RFC2: variants seen among roughly 807,000 people sequenced by gnomAD.
RFC2 encodes replication factor C subunit 2.
In RFC2, 34 loss-of-function variants were observed where a neutral mutation model predicts 44.8. The ratio of observed to expected loss-of-function variants is 0.76; its 90% CI spans 0.58 to 1.01. RFC2 has a LOEUF of 1.01. RFC2 is among the 50% of genes least tolerant of loss of function. RFC2 has a pLI of 0.00. For missense variants in RFC2, 400 were observed against 453.6 expected (o/e 0.88, Z 1.07); for synonymous variants, 177 against 168.9 (o/e 1.05, Z -0.37).
In RFC2 at chr7:74,237,398, C is replaced by T; in HGVS notation, c.804G>A (p.Gln268=). Reference sequence around the variant, plus strand: ...CGTCAATGTTGGCATTCACACAGTGCTGGATCATCTCCTTTACCAGCAGTG... The same window carrying T: ...CGTCAATGTTGGCATTCACACAGTGTTGGATCATCTCCTTTACCAGCAGTG... ...PHPLLVKEMI[Q]HCVNANIDEA... The change falls in exon 9 of 11, where the codon CAG becomes CAA. Residue 268 remains glutamine, a synonymous_variant. Coordinates refer to ENST00000055077, the MANE Select transcript of RFC2 (RefSeq NM_181471.3). 1.2e-6 allele frequency: 2 copies of T among 1,605,606 alleles called. No individual in the cohort carries two copies. The highest frequency in any genetic ancestry group is 1.7e-6 in the Non-Finnish European group (2 of 1,176,412).
intron 6 of RFC2, among the ~76,000 whole-genome samples, 166 bp from the exon 7 acceptor site, chr7:74,240,261 G>A (rs1803254947): frequency 6.6e-6 from 1 of 152,140 alleles, no homozygotes; most frequent in Non-Finnish European, 1.5e-5. Flanking sequence ...CAGCACTTTG[G>A]GAGGCTGAGG....
chr7:74,233,410 A>G (rs1802835823), intron 10 of RFC2, among the ~76,000 whole-genome samples: 1 of 152,162 alleles, frequency 6.6e-6, no homozygotes, highest in Non-Finnish European at 1.5e-5. Context: ...CAGTACAATT[A>G]AAATAAAAAA....
intron 2 of RFC2, among the ~76,000 whole-genome samples, chr7:74,250,962 T>C (rs1174051577): frequency 6.6e-6 from 1 of 152,150 alleles, no homozygotes; most frequent in Non-Finnish European, 1.5e-5. Context: ...CTAATTTTTA[T>C]TTTTAGTAGA....
intron 10 of RFC2, chr7:74,233,818 G>A (rs1328781001): frequency 2.2e-5 from 10 of 456,382 alleles, no homozygotes; most frequent in Non-Finnish European, 4.4e-5. Context: ...TCCATGTGGT[G>A]GCTAGGTTGA....
intron 2 of RFC2, among the ~76,000 whole-genome samples, chr7:74,252,047 C>T (rs538981122): frequency 1.5e-5 from 2 of 131,090 alleles, no homozygotes; most frequent in South Asian, 2.5e-4. Flanking sequence ...TGCAGAGAGG[C>T]CAGATTACGC....
At chr7:74,251,537 C>G (rs1006261633) in intron 2 of RFC2, among the ~76,000 whole-genome samples, 1 of 152,160 alleles carries the variant, frequency 6.6e-6, no homozygotes, top group African/African-American at 2.4e-5. Flanking sequence ...TGGTGGCTCA[C>G]GCCTGTAATC....
intron 6 of RFC2, among the ~76,000 whole-genome samples, chr7:74,242,391 G>T (rs1464022895): frequency 1.3e-5 from 2 of 152,040 alleles, no homozygotes; most frequent in Admixed American, 6.6e-5. Context: ...TTTTTCCTTA[G>T]ATCCTAAACA....
chr7:74,236,470 C>T (rs1803019079), intron 9 of RFC2, among the ~76,000 whole-genome samples: 1 of 152,166 alleles, frequency 6.6e-6, no homozygotes, highest in Admixed American at 6.5e-5. Context: ...TGACCTTGAA[C>T]CACACCAACC....
intron 2 of RFC2, among the ~76,000 whole-genome samples, chr7:74,251,031 C>T (rs2116344485): frequency 6.6e-6 from 1 of 152,338 alleles, no homozygotes; most frequent in African/African-American, 2.4e-5. Context: ...AGGTGATCCA[C>T]TCGCCTTGGC....
intron 10 of RFC2, among the ~76,000 whole-genome samples, chr7:74,234,311 G>A (rs1218847062): frequency 6.6e-6 from 1 of 152,128 alleles, no homozygotes; most frequent in African/African-American, 2.4e-5. Context: ...AGTCGGGGAG[G>A]GGGCTGGCTT....
At chr7:74,235,766 A>C (rs1307060236) in intron 9 of RFC2, 121 bp from the exon 10 acceptor site, 1 of 692,660 alleles carries the variant, frequency 1.4e-6, no homozygotes, top group Non-Finnish European at 2.6e-6. Flanking sequence ...ACCTTAACTG[A>C]TTTTCATGGC....
At position 74,249,765 on chromosome 7, in the gene RFC2, C is replaced by T. The variant is rs1554720746; in HGVS notation, c.199G>A (p.Gly67Arg). ...VSRLEVFARE[G>R]NVPNIIIAGP... ...GCAATGATGATGTTGGGCACATTTC[C>T]TTCCCTTGCAAAGACCTACGGCGAA... Residue 67 changes from glycine to arginine, a missense_variant, in exon 3 of 11, where the codon GGA becomes AGA. Gly to Arg is a moderately radical substitution (Grantham distance 125). Transcript: ENST00000055077. The T allele has an allele frequency of 6.2e-7, 1 of 1,613,840 alleles. No individual in the cohort carries two copies. The highest frequency in any genetic ancestry group is 1.1e-5 in the South Asian group (1 of 91,080).
intron 5 of RFC2, among the ~76,000 whole-genome samples, chr7:74,245,759 C>T (rs1803567949): frequency 7.0e-6 from 1 of 143,030 alleles, no homozygotes; most frequent in South Asian, 2.3e-4. Flanking sequence ...GTCCATTTAA[C>T]CACAATAAAA....
At chr7:74,234,880 A>C (rs1001141045) in intron 10 of RFC2, among the ~76,000 whole-genome samples, 2 of 152,112 alleles carry the variant, frequency 1.3e-5, no homozygotes, top group Admixed American at 6.6e-5. Flanking sequence ...CTGTGAGCCA[A>C]ATCAACCTCT....
intron 6 of RFC2, among the ~76,000 whole-genome samples, chr7:74,242,914 C>G (rs1168253588): frequency 6.7e-5 from 10 of 148,542 alleles, no homozygotes; most frequent in African/African-American, 2.5e-4. Flanking sequence ...CAGAGTGAGA[C>G]TTTGTCTCAA....
rs1438795004 is a variant in RFC2 at position 74,238,490 on chromosome 7, T to C, written c.759+433A>G. 5.9e-5 allele frequency among the ~76,000 whole-genome samples: 9 copies of C among 151,840 alleles called. No individual in the cohort carries two copies. Among genetic ancestry groups the C allele is most frequent in the African/African-American group, 7.3e-5 (3 of 41,354 alleles). ...CAGAAGTGGGGAGCAGGGCACAGCA[T>C]TGCAGAAAAAACCCAGGGTGTGGGG... is the stretch of plus-strand genomic sequence containing the variant. On this transcript the variant is annotated intron_variant, in intron 8 of 10. Transcript: ENST00000055077. The surrounding 1 kb of genome is among the most constrained non-coding windows in gnomAD (Gnocchi z 4.0).
chr7:74,246,314 G>A (rs543601949), intron 5 of RFC2, among the ~76,000 whole-genome samples: 82 of 150,300 alleles, frequency 5.5e-4, no homozygotes, highest in Admixed American at 1.0e-3. Flanking sequence ...CCAGGGAACC[G>A]CCTGAACCCG....
intron 3 of RFC2, 133 bp from the exon 4 acceptor site, chr7:74,249,251 A>T: frequency 6.6e-7 from 1 of 1,516,924 alleles, no homozygotes; most frequent in Non-Finnish European, 8.9e-7. Context: ...ACACAGATCA[A>T]TACAGCTGGC....
At chr7:74,242,129 G>A (rs1251473053) in intron 6 of RFC2, among the ~76,000 whole-genome samples, 5 of 152,138 alleles carry the variant, frequency 3.3e-5, no homozygotes, top group African/African-American at 1.2e-4. Context: ...TTTGAGAGAG[G>A]AGCTTCCCGG....
Sources: gnomAD v4.1 joint callset for allele counts (sites outside exome capture counted in the v4.1 genomes callset) on GRCh38, gnomAD v4.1.1 for gene constraint, Gnocchi (gnomAD v3.1) non-coding constraint, MANE v1.5 for transcripts, NCBI Gene and HGNC (gene_info 2026-07-23, HGNC 2026-07-21) for gene names.